Variants in CCL18 observed in about 807,000 individuals in gnomAD.
The protein encoded by CCL18 is C-C motif chemokine ligand 18, also known as C-C motif chemokine 18.
Under a neutral mutation model 8.0 loss-of-function variants are expected in CCL18, and 7 were observed. That is an observed-to-expected ratio of 0.87 (90% CI 0.50 to 1.64). The LOEUF (loss-of-function observed/expected upper bound fraction) is 1.64. Among genes scored for constraint, CCL18 ranks in the 40% most tolerant of loss-of-function variants. CCL18 has a pLI of 0.00. For synonymous variants in CCL18, 35 were observed against 41.3 expected (o/e 0.85, Z 0.59); for missense variants, 95 against 107.8 (o/e 0.88, Z 0.52).
intron 2 of CCL18, 108 bp from the exon 3 acceptor site, chr17:36,070,843 C>A (rs1412515386): frequency 1.2e-6 from 1 of 862,410 alleles, no homozygotes; most frequent in South Asian, 1.4e-5. Context: ...GGAAATTTTA[C>A]GGGCACGAGG....
At chr17:36,064,629 T>C (rs1203808806) in intron 1 of CCL18, among the ~76,000 whole-genome samples, 2 of 152,214 alleles carry the variant, frequency 1.3e-5, no homozygotes, top group Non-Finnish European at 2.9e-5. Context: ...ATAAATGAGA[T>C]GGTTGAAGTC....
At chr17:36,070,389 A>G (rs2066858991) in intron 1 of CCL18, 58 bp from the exon 2 acceptor site, 1 of 1,013,236 alleles carries the variant, frequency 9.9e-7, no homozygotes, top group Non-Finnish European at 1.6e-6. Context: ...AGGGACCAGG[A>G]GCAGCTGGCT....
chr17:36,066,834 G>T (rs2066839641), intron 1 of CCL18, among the ~76,000 whole-genome samples: 1 of 152,222 alleles, frequency 6.6e-6, no homozygotes, highest in Non-Finnish European at 1.5e-5. Context: ...TGGGTGAAAA[G>T]GACCATTACA....
At position 36,071,840 on chromosome 17, in the gene CCL18, A is replaced by G. The variant is rs530339603; in HGVS notation, c.*799A>G. ...GTGCTGGGTTTTGGGCTAAGTACTTATATTAGTAAAAGTCTAGCAAATACT... is the reference window on the plus strand; with the variant it reads ...GTGCTGGGTTTTGGGCTAAGTACTTGTATTAGTAAAAGTCTAGCAAATACT... On this transcript the variant is annotated 3_prime_UTR_variant, in exon 3 of 3. Transcript: ENST00000616054. 18 of 152,318 alleles carry G rather than the reference A, an allele frequency of 1.2e-4. No homozygotes were observed. Among genetic ancestry groups the G allele is most frequent in the Non-Finnish European group, 2.5e-4 (17 of 68,030 alleles). The allele number at this position is 152,318 out of a possible 1,614,324, so 9.4% of individuals were successfully genotyped here.
chr17:36,070,645 G>A (rs1238654246), intron 2 of CCL18, 87 bp downstream of exon 2: 3 of 833,708 alleles, frequency 3.6e-6, no homozygotes, highest in Non-Finnish European at 6.1e-6. Context: ...GCTCTCTAAG[G>A]CCCATCAAGG....
intron 1 of CCL18, among the ~76,000 whole-genome samples, chr17:36,068,665 G>A (rs2066849882): frequency 6.6e-6 from 1 of 152,118 alleles, no homozygotes; most frequent in Admixed American, 6.5e-5. Context: ...TCGTATGCTT[G>A]TGGATGAGAC....
chr17:36,071,834 G>A lies in CCL18; in HGVS notation c.*793G>A, dbSNP rs2066868481. 1 of 152,178 alleles carries A rather than the reference G, an allele frequency of 6.6e-6. No individual in the cohort carries two copies. Among genetic ancestry groups the A allele is most frequent in the Non-Finnish European group, 1.5e-5 (1 of 68,032 alleles). The allele number at this position is 152,178 out of a possible 1,614,324, so 9.4% of individuals were successfully genotyped here. On this transcript the variant is annotated 3_prime_UTR_variant, in exon 3 of 3. Coordinates refer to ENST00000616054, the MANE Select transcript of CCL18 (RefSeq NM_002988.4). ...TACCAAGTGCTGGGTTTTGGGCTAA[G>A]TACTTATATTAGTAAAAGTCTAGCA...
At chr17:36,065,437 C>A (rs1157414226) in intron 1 of CCL18, among the ~76,000 whole-genome samples, 1 of 152,176 alleles carries the variant, frequency 6.6e-6, no homozygotes, top group Non-Finnish European at 1.5e-5. Flanking sequence ...TAGCTCCCAC[C>A]TCCTACTTGT....
At chr17:36,069,536 G>A (rs1340118429) in intron 1 of CCL18, among the ~76,000 whole-genome samples, 1 of 152,142 alleles carries the variant, frequency 6.6e-6, no homozygotes, top group East Asian at 1.9e-4. Flanking sequence ...CATGACATGA[G>A]TTTACCTATG....
chr17:36,070,640 C>T, intron 2 of CCL18, 82 bp downstream of exon 2: 2 of 870,096 alleles, frequency 2.3e-6, no homozygotes, highest in South Asian at 1.4e-5. Context: ...ACTCAGCTCT[C>T]TAAGGCCCAT....
chr17:36,065,422 C>T (rs1402598959), intron 1 of CCL18, among the ~76,000 whole-genome samples: 1 of 152,128 alleles, frequency 6.6e-6, no homozygotes, highest in African/African-American at 2.4e-5. Context: ...TATGAAAGTC[C>T]ATAGTAGCTC....
chr17:36,065,947 G>A lies in CCL18; in HGVS notation c.67+1538G>A, dbSNP rs371879549. 4.0e-3 allele frequency among the ~76,000 whole-genome samples: 608 copies of A among 152,180 alleles called. 5 individuals are homozygous for A. Among genetic ancestry groups the A allele is most frequent in the African/African-American group, 0.013 (539 of 41,502 alleles). On this transcript the variant is annotated intron_variant, in intron 1 of 2. Coordinates refer to ENST00000616054, the MANE Select transcript of CCL18 (RefSeq NM_002988.4). ...AGCAAGAGACCATCGTCTCTAAATCGCTGTAGGAGTAGAGCTTCTCAGGAG... is the reference window on the plus strand; with the variant it reads ...AGCAAGAGACCATCGTCTCTAAATCACTGTAGGAGTAGAGCTTCTCAGGAG...
chr17:36,064,537 A>G, intron 1 of CCL18, 128 bp downstream of exon 1: 1 of 705,294 alleles, frequency 1.4e-6, no homozygotes, highest in Non-Finnish European at 2.5e-6. Context: ...AAGTGACATC[A>G]TTGTTTTCTT....
intron 1 of CCL18, among the ~76,000 whole-genome samples, chr17:36,066,058 GT>G (rs1320989235): frequency 6.6e-6 from 1 of 152,166 alleles, no homozygotes; most frequent in African/African-American, 2.4e-5. Context: ...TTAGGCCCCA[GT>G]TTTCCCAACT....
Position 36,070,698 on chromosome 17 carries a change from G to A in CCL18, c.179+140G>A, listed in dbSNP as rs1047665672. The A allele has an allele frequency of 2.8e-5, 18 of 652,312 alleles. 1 individual carries two copies. Among genetic ancestry groups the A allele is most frequent in the African/African-American group, 1.8e-5 (1 of 54,830 alleles). 40.4% of individuals were successfully genotyped at this position (652,312 alleles called of 1,614,324 possible). A position where few individuals can be genotyped will look rare whatever the true frequency, so the allele number is the denominator to read the frequency against. ...GGCCCCTGCAGTGTTTTGTGACCTG[G>A]CCTGGGGCCTGCAGAGTCCTGAAGG... On this transcript the variant is annotated intron_variant, in intron 2 of 2. Transcript: ENST00000616054.
At chr17:36,070,410 A>G in intron 1 of CCL18, 37 bp from the exon 2 acceptor site, 1 of 1,329,316 alleles carries the variant, frequency 7.5e-7, no homozygotes, top group East Asian at 2.3e-5. Context: ...TGCCTTGTGA[A>G]CAATGACTTG....
intron 1 of CCL18, among the ~76,000 whole-genome samples, chr17:36,065,878 C>T (rs1253714148): frequency 6.6e-6 from 1 of 152,186 alleles, no homozygotes; most frequent in Non-Finnish European, 1.5e-5. Flanking sequence ...TTTGTTCCAT[C>T]TCTTTTGGGT....
chr17:36,070,285 A>C, intron 1 of CCL18, 162 bp from the exon 2 acceptor site: 1 of 532,016 alleles, frequency 1.9e-6, no homozygotes, highest in Non-Finnish European at 3.3e-6. Flanking sequence ...ATGTCAGGGA[A>C]AAGAAGAAAT....
chr17:36,070,850 G>A (rs970251954), intron 2 of CCL18, 101 bp from the exon 3 acceptor site: 6 of 911,170 alleles, frequency 6.6e-6, no homozygotes, highest in South Asian at 2.6e-5. Context: ...TTACGGGCAC[G>A]AGGACAGGCC....
Sources: gnomAD v4.1 joint callset for allele counts (sites outside exome capture counted in the v4.1 genomes callset) on GRCh38, gnomAD v4.1.1 for gene constraint, MANE v1.5 for transcripts, NCBI Gene and HGNC (gene_info 2026-07-23, HGNC 2026-07-21) for gene names.